PIP4K2A: variants seen among roughly 807,000 people sequenced by gnomAD.
PIP4K2A encodes phosphatidylinositol-5-phosphate 4-kinase type 2 alpha.
Under a neutral mutation model 42.9 loss-of-function variants are expected in PIP4K2A, and 14 were observed. The ratio of observed to expected loss-of-function variants is 0.33; its 90% CI spans 0.22 to 0.51. The LOEUF is 0.51. Ranked by LOEUF, PIP4K2A falls within the 20% of genes least tolerant of loss-of-function variation. The pLI is 0.97. For missense variants in PIP4K2A, 434 were observed against 519.8 expected (o/e 0.83, Z 1.61); for synonymous variants, 192 against 192.2 (o/e 1.00, Z 0.01).
chr10:22,549,442 T>C (rs1836344001), intron 7 of PIP4K2A, among the ~76,000 whole-genome samples: 1 of 151,984 alleles, frequency 6.6e-6, no homozygotes, highest in African/African-American at 2.4e-5. Context: ...TGCCATGAAG[T>C]GTACACAAAT....
intron 1 of PIP4K2A, among the ~76,000 whole-genome samples, chr10:22,687,003 G>A (rs1260342836): frequency 6.6e-6 from 1 of 152,050 alleles, no homozygotes; most frequent in Non-Finnish European, 1.5e-5. Flanking sequence ...ATGCTCACTC[G>A]TAAATAGCAA....
At chr10:22,542,173 C>T (rs1836137727) in intron 7 of PIP4K2A, 126 bp from the exon 8 acceptor site, 2 of 730,140 alleles carry the variant, frequency 2.7e-6, no homozygotes, top group South Asian at 1.8e-5. Context: ...GCGCCGGGTG[C>T]CTCCTTCACG....
intron 1 of PIP4K2A, among the ~76,000 whole-genome samples, chr10:22,626,661 C>T (rs911799002): frequency 9.2e-5 from 14 of 152,102 alleles, no homozygotes; most frequent in East Asian, 1.9e-4. Flanking sequence ...AATCACTTCC[C>T]GGTATAGATA....
At position 22,583,712 on chromosome 10, in the gene PIP4K2A, A is replaced by C. The variant is rs754445978; in HGVS notation, c.492+7917T>G. Among the ~76,000 whole-genome samples, 13 of 152,326 alleles carry C rather than the reference A, an allele frequency of 8.5e-5. No individual in the cohort carries two copies. The East Asian group carries it at 9.7e-4, about 11-fold the overall frequency. ...GGTCAGAGGCCTTCCCAAACATTGCAGAGGTGAAGATGAAGCTAAGAGTTC... is the reference window on the plus strand; with the variant it reads ...GGTCAGAGGCCTTCCCAAACATTGCCGAGGTGAAGATGAAGCTAAGAGTTC... On this transcript the variant is annotated intron_variant, in intron 4 of 9. Transcript: ENST00000376573.
chr10:22,591,874 C>T (rs909479629), intron 3 of PIP4K2A, 93 bp from the exon 4 acceptor site: 1 of 1,131,418 alleles, frequency 8.8e-7, no homozygotes, highest in African/African-American at 1.6e-5. Context: ...GTCATCATTG[C>T]AAGTTTTCAA....
At chr10:22,577,822 T>C (rs1469626873) in intron 4 of PIP4K2A, among the ~76,000 whole-genome samples, 1 of 152,174 alleles carries the variant, frequency 6.6e-6, no homozygotes, top group East Asian at 1.9e-4. Flanking sequence ...GTTTCTCTCA[T>C]TAAAGCAACA....
At chr10:22,602,418 G>T (rs1588656501) in intron 3 of PIP4K2A, among the ~76,000 whole-genome samples, 2 of 149,336 alleles carry the variant, frequency 1.3e-5, no homozygotes, top group South Asian at 2.1e-4. Flanking sequence ...GAAAAGAAAA[G>T]AAAAGAAAGA....
At chr10:22,567,931 A>C in intron 5 of PIP4K2A, 42 bp from the exon 6 acceptor site, 3 of 1,568,948 alleles carry the variant, frequency 1.9e-6, no homozygotes, top group Non-Finnish European at 2.6e-6. Flanking sequence ...CATGGGAGGC[A>C]TTGGGTTTCA....
chr10:22,701,237 T>C (rs1833709831), intron 1 of PIP4K2A, among the ~76,000 whole-genome samples: 1 of 152,196 alleles, frequency 6.6e-6, no homozygotes, highest in African/African-American at 2.4e-5. Flanking sequence ...AATAATGTAA[T>C]GGAGAGTGTG....
intron 1 of PIP4K2A, among the ~76,000 whole-genome samples, chr10:22,628,048 TTTTAAAGTGA>T (rs1220819831): frequency 6.6e-6 from 1 of 152,210 alleles, no homozygotes; most frequent in East Asian, 1.9e-4. Flanking sequence ...GGTTATAAAC[TTTTAAAGTGA>T]TTTTACTATT....
intron 9 of PIP4K2A, 141 bp downstream of exon 9, chr10:22,539,830 G>A: frequency 1.4e-6 from 1 of 700,566 alleles, no homozygotes; most frequent in South Asian, 1.6e-5. Flanking sequence ...TCAGTAGAAA[G>A]CAGCTCAGTG....
At chr10:22,574,758 T>TTA (rs1248643714) in intron 4 of PIP4K2A, among the ~76,000 whole-genome samples, 1 of 152,210 alleles carries the variant, frequency 6.6e-6, no homozygotes, top group Admixed American at 6.5e-5. Context: ...TTATTTGAAA[T>TTA]TAGATGAGTG....
At chr10:22,629,139 T>C (rs1424763627) in intron 1 of PIP4K2A, among the ~76,000 whole-genome samples, 1 of 152,208 alleles carries the variant, frequency 6.6e-6, no homozygotes, top group Non-Finnish European at 1.5e-5. Context: ...CAGAACAATT[T>C]ACCAGAAACT....
At position 22,535,734 on chromosome 10, in the gene PIP4K2A, C is replaced by CAGGAG; in HGVS notation, c.*1462_*1466dup. ...TAAGCTCAATGCCTTTTGGAAAATG[C>CAGGAG]AGGAGAGTTGGTAGATACATGATCT... On this transcript the variant is annotated 3_prime_UTR_variant, in exon 10 of 10. Transcript: ENST00000376573. 5.4e-6 allele frequency: 1 copy of CAGGAG among 184,562 alleles called. No individual in the cohort carries two copies. The highest frequency in any genetic ancestry group is 2.3e-5 in the African/African-American group (1 of 43,172). The allele number at this position is 184,562 out of a possible 1,614,324, so 11.4% of individuals were successfully genotyped here. A position where few individuals can be genotyped will look rare whatever the true frequency, so the allele number is the denominator to read the frequency against.
intron 1 of PIP4K2A, among the ~76,000 whole-genome samples, chr10:22,615,855 A>C (rs1265334811): frequency 6.6e-6 from 1 of 152,132 alleles, no homozygotes; most frequent in Non-Finnish European, 1.5e-5. Context: ...AGGCCTGTAA[A>C]ACAAGTGTAT....
intron 1 of PIP4K2A, among the ~76,000 whole-genome samples, chr10:22,665,375 T>C (rs2130846156): frequency 6.6e-6 from 1 of 152,346 alleles, no homozygotes; most frequent in East Asian, 1.9e-4. Context: ...CTTTTAATTA[T>C]ATTACTTCAG....
At chr10:22,709,722 A>G (rs1318510027) in intron 1 of PIP4K2A, among the ~76,000 whole-genome samples, 1 of 152,222 alleles carries the variant, frequency 6.6e-6, no homozygotes, top group Non-Finnish European at 1.5e-5. Context: ...TTCACTCTAA[A>G]GTATCTGACA....
chr10:22,675,157 T>C (rs984191374), intron 1 of PIP4K2A, among the ~76,000 whole-genome samples: 1 of 152,182 alleles, frequency 6.6e-6, no homozygotes, highest in Non-Finnish European at 1.5e-5. Flanking sequence ...TCAATGTTGA[T>C]TGGTACATTG....
chr10:22,683,679 T>C (rs1171237147), intron 1 of PIP4K2A, among the ~76,000 whole-genome samples: 1 of 152,156 alleles, frequency 6.6e-6, no homozygotes, highest in African/African-American at 2.4e-5. Flanking sequence ...AGAAGTCTGT[T>C]GAGCACGTGT....
Sources: gnomAD v4.1 joint callset for allele counts (sites outside exome capture counted in the v4.1 genomes callset) on GRCh38, gnomAD v4.1.1 for gene constraint, MANE v1.5 for transcripts, NCBI Gene and HGNC (gene_info 2026-07-23, HGNC 2026-07-21) for gene names.